The following PBX1 variants were observed in gnomAD, a reference collection of about 807,000 sequenced individuals.
PBX1 encodes pre-B-cell leukemia transcription factor 1.
A neutral mutation model predicts 53.4 loss-of-function variants in PBX1; 6 were observed. That is an observed-to-expected ratio of 0.11 (90% CI 0.06 to 0.22). The LOEUF is 0.22. Ranked by LOEUF, PBX1 falls within the 10% of genes least tolerant of loss-of-function variation. PBX1 has a pLI of 1.00. For missense variants in PBX1, 251 were observed against 551.4 expected, an observed-to-expected ratio of 0.46 and a Z score of 5.46; for synonymous variants, 204 against 212.3, an observed-to-expected ratio of 0.96 and a Z score of 0.34.
chr1:164,826,886 A>T (rs537217201), intron 8 of PBX1, among the ~76,000 whole-genome samples: 7 of 152,364 alleles, frequency 4.6e-5, no homozygotes, highest in African/African-American at 1.4e-4. Flanking sequence ...GACACAAAAA[A>T]AACTCATTAA....
At chr1:164,822,041 T>C (rs544133099) in intron 8 of PBX1, among the ~76,000 whole-genome samples, 1 of 152,268 alleles carries the variant, frequency 6.6e-6, no homozygotes, top group South Asian at 2.1e-4. Context: ...AATACTTTTT[T>C]TCAATCTGTC....
At chr1:164,705,272 T>C (rs746982654) in intron 2 of PBX1, among the ~76,000 whole-genome samples, 4 of 152,248 alleles carry the variant, frequency 2.6e-5, no homozygotes, top group Non-Finnish European at 4.4e-5. Context: ...TACAGTATTA[T>C]AATATGTCTG....
intron 5 of PBX1, among the ~76,000 whole-genome samples, chr1:164,809,869 A>T (rs1391726882): frequency 6.6e-6 from 1 of 152,210 alleles, no homozygotes; most frequent in Non-Finnish European, 1.5e-5. Flanking sequence ...AGAATGCAGC[A>T]TCAGCATCCC....
chr1:164,702,118 G>A (rs1456514341), intron 2 of PBX1, among the ~76,000 whole-genome samples: 1 of 152,150 alleles, frequency 6.6e-6, no homozygotes, highest in Non-Finnish European at 1.5e-5. Context: ...TCTGGGGGTT[G>A]CGGAGAAGAG....
intron 2 of PBX1, among the ~76,000 whole-genome samples, chr1:164,701,074 C>T (rs903180959): frequency 2.0e-5 from 3 of 152,114 alleles, no homozygotes; most frequent in South Asian, 2.1e-4. Flanking sequence ...ACAATATATG[C>T]GTGTCAGATA....
Position 164,661,132 on chromosome 1 carries a change from G to A in PBX1, c.265+97821G>A, listed in dbSNP as rs183305064. 7.9e-5 allele frequency among the ~76,000 whole-genome samples: 12 copies of A among 152,276 alleles called. No homozygotes were observed. The East Asian group carries it at 2.3e-3, about 29-fold the overall frequency. On this transcript the variant is annotated intron_variant, in intron 2 of 8. Transcript: ENST00000420696. ...GAAGACTTTTACTATGTTTTTCTCT[G>A]TCTACCAACTCTTCTTTATTTGACT...
intron 8 of PBX1, among the ~76,000 whole-genome samples, chr1:164,838,166 A>G (rs1300167612): frequency 1.3e-5 from 2 of 152,228 alleles, no homozygotes; most frequent in Non-Finnish European, 2.9e-5. Context: ...TGCATGCAAG[A>G]TAAAATTCAA....
chr1:164,636,155 T>C (rs988487412), intron 2 of PBX1, among the ~76,000 whole-genome samples: 2 of 123,618 alleles, frequency 1.6e-5, no homozygotes, highest in African/African-American at 5.6e-5. Context: ...TCTCTCTCTC[T>C]CTTTTTTTTT....
chr1:164,642,391 C>T (rs77653958), intron 2 of PBX1, among the ~76,000 whole-genome samples: 5,778 of 152,286 alleles, frequency 0.038, 166 homozygotes, highest in South Asian at 0.11. Flanking sequence ...ATGATTTCTC[C>T]TTTTGGTCTC....
chr1:164,783,278 A>G (rs981463723), intron 2 of PBX1, among the ~76,000 whole-genome samples: 23 of 151,772 alleles, frequency 1.5e-4, no homozygotes, highest in African/African-American at 4.1e-4. Flanking sequence ...GAGAGAAAGA[A>G]GACCTTTTGA....
At chr1:164,575,539 GTCAC>G (rs1467871407) in intron 2 of PBX1, among the ~76,000 whole-genome samples, 1 of 152,164 alleles carries the variant, frequency 6.6e-6, no homozygotes, top group Non-Finnish European at 1.5e-5. Context: ...CTCAAGTGTT[GTCAC>G]TGTAAGAGAA....
chr1:164,588,676 AG>A (rs1287377222), intron 2 of PBX1, among the ~76,000 whole-genome samples: 1 of 151,114 alleles, frequency 6.6e-6, no homozygotes, highest in Admixed American at 6.6e-5. Context: ...CCTTTGGTTT[AG>A]GGGGAAAAAA....
intron 2 of PBX1, among the ~76,000 whole-genome samples, chr1:164,621,863 C>G (rs1657702938): frequency 6.6e-6 from 1 of 151,944 alleles, no homozygotes; most frequent in African/African-American, 2.4e-5. Context: ...TGACTTCCAT[C>G]TTCCTTAAGA....
intron 2 of PBX1, among the ~76,000 whole-genome samples, chr1:164,632,306 G>T (rs1032661095): frequency 6.6e-6 from 1 of 152,048 alleles, no homozygotes; most frequent in Non-Finnish European, 1.5e-5. Flanking sequence ...TGCTACCCTC[G>T]CCCCTTTCAT....
At chr1:164,665,032 G>A (rs974483967) in intron 2 of PBX1, among the ~76,000 whole-genome samples, 1 of 152,128 alleles carries the variant, frequency 6.6e-6, no homozygotes, top group African/African-American at 2.4e-5. Context: ...AGAGGGAAAA[G>A]GAGGACTGTG....
At chr1:164,751,109 A>G (rs1488605055) in intron 2 of PBX1, among the ~76,000 whole-genome samples, 1 of 152,004 alleles carries the variant, frequency 6.6e-6, no homozygotes, top group African/African-American at 2.4e-5. Context: ...TGAGGTCAGG[A>G]GTTCAAGACC....
chr1:164,826,759 G>A (rs1374948076), intron 8 of PBX1, among the ~76,000 whole-genome samples: 7 of 152,148 alleles, frequency 4.6e-5, no homozygotes, highest in Non-Finnish European at 1.0e-4. Context: ...ACTCCAGCCA[G>A]TCTTTGATGT....
chr1:164,799,735 C>T lies in PBX1; in HGVS notation c.547C>T (p.Leu183=), dbSNP rs953418388. The part of the protein sequence containing the change: ...NEFTTHVMNL[L]REQSRTRPIS... ...GTTCACCACCCACGTGATGAATCTC[C>T]TGCGAGAGCAAAGCCGGACCAGGCC... The change falls in exon 4 of 9, where the codon CTG becomes TTG. Residue 183 remains leucine (L), a synonymous_variant. Coordinates refer to ENST00000420696, the MANE Select transcript of PBX1 (RefSeq NM_002585.4). The T allele has an allele frequency of 1.9e-6, 3 of 1,613,878 alleles. No homozygotes were observed. The highest frequency in any genetic ancestry group is 2.5e-6 in the Non-Finnish European group (3 of 1,179,818).
chr1:164,796,816 C>T (rs1237449899), intron 3 of PBX1, among the ~76,000 whole-genome samples: 2 of 152,180 alleles, frequency 1.3e-5, no homozygotes, highest in East Asian at 1.9e-4. Flanking sequence ...AGTAGAGTCT[C>T]CTCTGTTGAG....
Sources: allele counts gnomAD v4.1 joint callset (sites outside exome capture counted in the v4.1 genomes callset), GRCh38; gene constraint gnomAD v4.1.1; transcripts MANE v1.5; gene names NCBI Gene and HGNC (gene_info 2026-07-23, HGNC 2026-07-21).